NBAS: variants seen among roughly 807,000 people sequenced by gnomAD.
The protein encoded by NBAS is NBAS subunit of NRZ tethering complex, also known as NAG/BC035112 fusion.
NBAS carries 219 observed loss-of-function variants against 302.5 expected under a neutral mutation model. The observed-to-expected ratio is 0.72, with a 90% CI of 0.65 to 0.81. The LOEUF is 0.81. Ranked by LOEUF, NBAS falls within the 30% of genes least tolerant of loss-of-function variation. The pLI is 0.00. For missense variants in NBAS, 2,932 were observed against 2,841.6 expected, an observed-to-expected ratio of 1.03 and a Z score of -0.72; for synonymous variants, 1,118 against 1,021.6, an observed-to-expected ratio of 1.09 and a Z score of -1.80.
rs1558418686 is a variant in NBAS at position 15,533,675 on chromosome 2, T to TGC, written c.746+867_746+868insGC. Among the ~76,000 whole-genome samples, 7 of 108,302 alleles carry TGC rather than the reference T, an allele frequency of 6.5e-5. No homozygotes were observed. In the Admixed American group the frequency reaches 7.0e-4, roughly 11 times the overall value. The allele number at this position is 108,302 out of a possible 152,430, so 71.1% of individuals were successfully genotyped here. ...AGAGCACAAGGAGGACTTCGGGGGGTGTGCGTGTGTGTGTGTGTGTGTGTG... is the reference window on the plus strand; with the variant it reads ...AGAGCACAAGGAGGACTTCGGGGGGTGCGTGCGTGTGTGTGTGTGTGTGTGTG... On this transcript the variant is annotated intron_variant, in intron 9 of 51. Coordinates refer to ENST00000281513, the MANE Select transcript of NBAS (RefSeq NM_015909.4).
chr2:14,854,275 A>T, the NBAS span, among the ~76,000 whole-genome samples: 13 of 151,976 alleles, frequency 8.6e-5, no homozygotes, highest in Non-Finnish European at 1.6e-4. Flanking sequence ...TAATTAAAAA[A>T]GCAAGAGCAA....
chr2:14,848,738 G>T, the NBAS span, among the ~76,000 whole-genome samples: 21 of 151,454 alleles, frequency 1.4e-4, no homozygotes, highest in Admixed American at 1.1e-3. Flanking sequence ...CTGAGAACGG[G>T]CAGACTGCCT....
At chr2:14,935,820 T>C in the NBAS span, among the ~76,000 whole-genome samples, 1 of 152,296 alleles carries the variant, frequency 6.6e-6, no homozygotes, top group African/African-American at 2.4e-5. Context: ...AATTATACTT[T>C]CTAAGACTTT....
At chr2:15,310,534 T>C (rs1292188514) in intron 38 of NBAS, among the ~76,000 whole-genome samples, 1 of 152,186 alleles carries the variant, frequency 6.6e-6, no homozygotes, top group Non-Finnish European at 1.5e-5. Context: ...GCCTTATGAA[T>C]TAGAATCCTT....
At chr2:15,009,936 T>C in the NBAS span, among the ~76,000 whole-genome samples, 2 of 152,090 alleles carry the variant, frequency 1.3e-5, no homozygotes, top group African/African-American at 2.4e-5. Context: ...CCAACTTCTC[T>C]TCTGGAGAGA....
intron 38 of NBAS, among the ~76,000 whole-genome samples, chr2:15,315,443 G>A (rs1218915545): frequency 1.3e-5 from 2 of 152,130 alleles, no homozygotes; most frequent in African/African-American, 4.8e-5. Flanking sequence ...AAAAATGCTG[G>A]GGAAGAAAAA....
intron 42 of NBAS, among the ~76,000 whole-genome samples, chr2:15,281,789 C>A (rs1669836746): frequency 6.6e-6 from 1 of 152,114 alleles, no homozygotes; most frequent in South Asian, 2.1e-4. Context: ...AATGCATTTT[C>A]CTGTTTATGT....
the NBAS span, among the ~76,000 whole-genome samples, chr2:14,880,683 T>C: frequency 2.6e-5 from 4 of 151,798 alleles, no homozygotes; most frequent in Non-Finnish European, 5.9e-5. Context: ...AAATAAGAGA[T>C]ATGAAAGACA....
chr2:15,447,631 T>A (rs1034328468), intron 21 of NBAS, among the ~76,000 whole-genome samples: 2 of 152,146 alleles, frequency 1.3e-5, no homozygotes, highest in African/African-American at 4.8e-5. Context: ...CATAATTCAA[T>A]TAAAAGTGAA....
the NBAS span, among the ~76,000 whole-genome samples, chr2:14,982,994 G>A: frequency 1.3e-5 from 2 of 152,122 alleles, no homozygotes; most frequent in African/African-American, 2.4e-5. Context: ...AGTAGGTCAC[G>A]GTGCTACCAC....
At position 15,354,966 on chromosome 2, in the gene NBAS, T is replaced by G. The variant is rs13006951; in HGVS notation, c.3932-1256A>C. 4.1e-3 allele frequency among the ~76,000 whole-genome samples: 624 copies of G among 152,294 alleles called. 4 individuals carry two copies. Among genetic ancestry groups the G allele is most frequent in the African/African-American group, 0.014 (569 of 41,574 alleles). ...TGATGTCTCTTAATTTTCCACCCAC[T>G]GACCCTTCAGTTAGCCTGCTGGCTA... On this transcript the variant is annotated intron_variant, in intron 33 of 51. Transcript: ENST00000281513.
the NBAS span, among the ~76,000 whole-genome samples, chr2:14,955,275 C>G: frequency 6.6e-6 from 1 of 152,240 alleles, no homozygotes; most frequent in South Asian, 2.1e-4. Flanking sequence ...GCTCCCACAG[C>G]CTTGGGCAAC....
chr2:15,236,836 A>G (rs897243508), intron 45 of NBAS, among the ~76,000 whole-genome samples: 3 of 152,114 alleles, frequency 2.0e-5, no homozygotes, highest in Admixed American at 6.5e-5. Flanking sequence ...ATTATTTAAC[A>G]TTATTCATTA....
At chr2:14,883,740 G>C in the NBAS span, among the ~76,000 whole-genome samples, 3 of 152,090 alleles carry the variant, frequency 2.0e-5, no homozygotes, top group Admixed American at 6.5e-5. Context: ...GGGGACCAAG[G>C]CAGGGGATCT....
the NBAS span, among the ~76,000 whole-genome samples, chr2:15,088,432 C>T: frequency 1.0e-3 from 158 of 152,292 alleles, 1 homozygote; most frequent in Middle Eastern, 0.02. Context: ...AGATGTTGAA[C>T]ATGAATGACC....
chr2:14,887,368 A>C, the NBAS span, among the ~76,000 whole-genome samples: 6 of 147,624 alleles, frequency 4.1e-5, no homozygotes, highest in Admixed American at 6.9e-5. Flanking sequence ...GCGCCACCGC[A>C]CTCCAGCCTG....
intron 32 of NBAS, among the ~76,000 whole-genome samples, chr2:15,357,442 CT>C (rs1217859459): frequency 6.6e-6 from 1 of 152,160 alleles, no homozygotes; most frequent in Admixed American, 6.5e-5. Context: ...CATAAGTTTA[CT>C]TTTAACAAGC....
the NBAS span, among the ~76,000 whole-genome samples, chr2:14,901,896 G>A: frequency 6.6e-6 from 1 of 152,152 alleles, no homozygotes; most frequent in Non-Finnish European, 1.5e-5. Flanking sequence ...CCTGGACAAT[G>A]CCCAAGAAAG....
At chr2:15,025,066 A>C in the NBAS span, among the ~76,000 whole-genome samples, 2 of 152,130 alleles carry the variant, frequency 1.3e-5, no homozygotes, top group Admixed American at 1.3e-4. Context: ...GGTATTTCCT[A>C]GGTTATCTTC....
Sources: allele counts gnomAD v4.1 joint callset (sites outside exome capture counted in the v4.1 genomes callset), GRCh38; gene constraint gnomAD v4.1.1; transcripts MANE v1.5; gene names NCBI Gene and HGNC (gene_info 2026-07-23, HGNC 2026-07-21).